The following IRAK1BP1 variants were observed in gnomAD, a reference collection of about 807,000 sequenced individuals.
IRAK1BP1 encodes the protein interleukin 1 receptor associated kinase 1 binding protein 1, also known as interleukin-1 receptor-associated kinase 1-binding protein 1.
In IRAK1BP1, 24 loss-of-function variants were observed where a neutral mutation model predicts 28.0. That is an observed-to-expected ratio of 0.86 (90% CI 0.62 to 1.20). The LOEUF (loss-of-function observed/expected upper bound fraction) is 1.20. Ranked by LOEUF, IRAK1BP1 falls within the 50% of genes most tolerant of loss-of-function variation. The pLI is 0.00. For synonymous variants in IRAK1BP1, 131 were observed against 116.3 expected, an observed-to-expected ratio of 1.13 and a Z score of -0.81; for missense variants, 336 against 316.7, an observed-to-expected ratio of 1.06 and a Z score of -0.46.
rs184340009 is a variant in IRAK1BP1 at position 78,892,634 on chromosome 6, C to T, written c.382-5195C>T. ...CAATTCCAAACCAACTCAGGAGTGA[C>T]ACAGATGTTAGAATTAAAAGACATA... On this transcript the variant is annotated intron_variant, in intron 2 of 3. Coordinates refer to ENST00000369940, the MANE Select transcript of IRAK1BP1 (RefSeq NM_001010844.4). Among the ~76,000 whole-genome samples, 16 of 152,116 alleles carry T rather than the reference C, an allele frequency of 1.1e-4. 1 individual carries two copies. Among genetic ancestry groups the T allele is most frequent in the Admixed American group, 3.9e-4 (6 of 15,286 alleles).
Position 78,946,366 on chromosome 6 carries a change from T to G in IRAK1BP1, c.*1026T>G, listed in dbSNP as rs1041138220. On this transcript the variant is annotated 3_prime_UTR_variant and NMD_transcript_variant, in exon 5 of 5. Coordinates refer to the IRAK1BP1 transcript ENST00000606868. ...ATATTTGTACTATTATGAAATATGTTAAAATATGAGATTTATAGTGGATTT... is the reference window on the plus strand; with the variant it reads ...ATATTTGTACTATTATGAAATATGTGAAAATATGAGATTTATAGTGGATTT... The G allele has an allele frequency of 2.8e-6, 4 of 1,406,394 alleles. No homozygotes were observed. The African/African-American group carries it at 5.8e-5, about 20-fold the overall frequency. 87.1% of individuals were successfully genotyped at this position (1,406,394 alleles called of 1,614,324 possible).
At chr6:78,928,026 T>G (rs1390981001) in intron 4 of IRAK1BP1, among the ~76,000 whole-genome samples, 1 of 152,194 alleles carries the variant, frequency 6.6e-6, no homozygotes, top group Non-Finnish European at 1.5e-5. Flanking sequence ...CTGGGTCTTT[T>G]CTGATGTTAT....
At chr6:78,895,420 C>T (rs1360678964) in intron 2 of IRAK1BP1, among the ~76,000 whole-genome samples, 2 of 152,040 alleles carry the variant, frequency 1.3e-5, no homozygotes, top group Non-Finnish European at 2.9e-5. Context: ...AAATTACAGA[C>T]CAATATCCAT....
the IRAK1BP1 span, chr6:78,970,245 G>A: frequency 7.5e-7 from 1 of 1,325,574 alleles, no homozygotes; most frequent in Non-Finnish European, 1.1e-6. Context: ...AAACATTGTT[G>A]AGAAAAAACT....
At position 78,897,747 on chromosome 6, in the gene IRAK1BP1, A is replaced by G. The variant is rs373170825; in HGVS notation, c.382-82A>G. 36 of 1,218,952 alleles carry G rather than the reference A, an allele frequency of 3.0e-5. 2 individuals carry two copies. In the African/African-American group the frequency reaches 3.9e-4, roughly 13 times the overall value. The allele number at this position is 1,218,952 out of a possible 1,614,324, so 75.5% of individuals were successfully genotyped here. A position where few individuals can be genotyped will look rare whatever the true frequency, so the allele number is the denominator to read the frequency against. ...TATAAAATGACCTCATAGTCTGGCTATACTTTTTTTACTTACATGTAGAGA... is the reference window on the plus strand; with the variant it reads ...TATAAAATGACCTCATAGTCTGGCTGTACTTTTTTTACTTACATGTAGAGA... On this transcript the variant is annotated intron_variant, in intron 2 of 3. Coordinates refer to ENST00000369940, the MANE Select transcript of IRAK1BP1 (RefSeq NM_001010844.4).
At chr6:78,908,799 G>A (rs1772327736) in intron 4 of IRAK1BP1, among the ~76,000 whole-genome samples, 1 of 152,190 alleles carries the variant, frequency 6.6e-6, no homozygotes, top group African/African-American at 2.4e-5. Flanking sequence ...ACCAACAGTA[G>A]TCTAATAGGT....
chr6:78,968,356 C>A, the IRAK1BP1 span, among the ~76,000 whole-genome samples: 18 of 152,258 alleles, frequency 1.2e-4, no homozygotes, highest in East Asian at 2.7e-3. Flanking sequence ...TCTACTTATA[C>A]ACAGATTTTT....
At position 78,944,389 on chromosome 6, in the gene IRAK1BP1, G is replaced by A. The variant is rs111911515; in HGVS notation, c.*68-1019G>A. Among the ~76,000 whole-genome samples, 764 of 152,302 alleles carry A rather than the reference G, an allele frequency of 5.0e-3. 5 individuals are homozygous for A. Among genetic ancestry groups the A allele is most frequent in the Non-Finnish European group, 7.4e-3 (503 of 68,026 alleles). On this transcript the variant is annotated intron_variant and NMD_transcript_variant, in intron 4 of 4. Coordinates refer to the IRAK1BP1 transcript ENST00000606868. Reference sequence around the variant, plus strand: ...AGATCGCTTTGGCTGCAATATGAGAGAGGGACTGGTTAAGAAAGAGTTGAG... The same window carrying A: ...AGATCGCTTTGGCTGCAATATGAGAAAGGGACTGGTTAAGAAAGAGTTGAG...
chr6:78,966,209 A>T, the IRAK1BP1 span, among the ~76,000 whole-genome samples: 1 of 152,246 alleles, frequency 6.6e-6, no homozygotes, highest in Non-Finnish European at 1.5e-5. Flanking sequence ...AAGTACAATC[A>T]GCAATACCAA....
chr6:78,916,940 C>A (rs934032894), intron 4 of IRAK1BP1, among the ~76,000 whole-genome samples: 1 of 151,310 alleles, frequency 6.6e-6, no homozygotes, highest in East Asian at 1.9e-4. Flanking sequence ...TGAGACTCCA[C>A]CTAAAAAAAA....
At chr6:78,933,372 C>T (rs1385502601) in intron 4 of IRAK1BP1, among the ~76,000 whole-genome samples, 1 of 152,180 alleles carries the variant, frequency 6.6e-6, no homozygotes, top group Non-Finnish European at 1.5e-5. Context: ...AATCCCAACA[C>T]TTTGGGAGGC....
chr6:78,962,909 A>G, the IRAK1BP1 span, among the ~76,000 whole-genome samples: 2 of 152,274 alleles, frequency 1.3e-5, no homozygotes, highest in Admixed American at 1.3e-4. Flanking sequence ...AACATAACCT[A>G]ATTTATAACT....
At chr6:78,891,350 T>C (rs1024506231) in intron 2 of IRAK1BP1, among the ~76,000 whole-genome samples, 14 of 152,210 alleles carry the variant, frequency 9.2e-5, no homozygotes, top group African/African-American at 3.4e-4. Context: ...GGTAGGTGAA[T>C]GAATGGATGT....
chr6:78,915,787 C>A (rs1212968115), intron 4 of IRAK1BP1, among the ~76,000 whole-genome samples: 1 of 152,132 alleles, frequency 6.6e-6, no homozygotes, highest in Non-Finnish European at 1.5e-5. Context: ...GTAGGCATTT[C>A]TTTTATTATA....
chr6:78,883,955 G>A (rs1001050853), intron 1 of IRAK1BP1, among the ~76,000 whole-genome samples: 2 of 152,034 alleles, frequency 1.3e-5, no homozygotes, highest in Non-Finnish European at 2.9e-5. Context: ...ACTATCTATG[G>A]TTTCAGGTAT....
downstream of IRAK1BP1, among the ~76,000 whole-genome samples, chr6:78,904,023 G>GA (rs1772193689): frequency 6.6e-6 from 1 of 152,110 alleles, no homozygotes; most frequent in South Asian, 2.1e-4. Flanking sequence ...GGCTAAGGAG[G>GA]AAAAAAGTTG....
intron 4 of IRAK1BP1, among the ~76,000 whole-genome samples, chr6:78,911,340 C>T (rs148988764): frequency 6.6e-6 from 1 of 152,240 alleles, no homozygotes; most frequent in Non-Finnish European, 1.5e-5. Context: ...GGTCAACCTC[C>T]TCTGCCCCTT....
At chr6:78,894,313 C>G (rs1771803144) in intron 2 of IRAK1BP1, among the ~76,000 whole-genome samples, 1 of 152,118 alleles carries the variant, frequency 6.6e-6, no homozygotes, top group South Asian at 2.1e-4. Flanking sequence ...TAAGTTAACT[C>G]CACTTACATG....
chr6:78,880,145 T>C (rs1771172591), intron 1 of IRAK1BP1, among the ~76,000 whole-genome samples: 1 of 152,326 alleles, frequency 6.6e-6, no homozygotes, highest in South Asian at 2.1e-4. Flanking sequence ...AGAAAATCTA[T>C]GTGACCTTGG....
Sources: gnomAD v4.1 joint callset for allele counts (sites outside exome capture counted in the v4.1 genomes callset) on GRCh38, gnomAD v4.1.1 for gene constraint, MANE v1.5 for transcripts, NCBI Gene and HGNC (gene_info 2026-07-23, HGNC 2026-07-21) for gene names.